Variants in RBFOX3 observed in about 807,000 individuals in gnomAD.
The protein encoded by RBFOX3 is RNA binding fox-1 homolog 3.
RBFOX3 carries 17 observed loss-of-function variants against 48.7 expected under a neutral mutation model. The ratio of observed to expected loss-of-function variants is 0.35; its 90% confidence interval spans 0.24 to 0.52. The LOEUF (loss-of-function observed/expected upper bound fraction) is 0.52. Ranked by LOEUF, RBFOX3 falls within the 20% of genes least tolerant of loss-of-function variation. RBFOX3 has a pLI of 0.94. For missense variants in RBFOX3, 382 were observed against 497.5 expected (o/e 0.77, Z 2.21); for synonymous variants, 212 against 209.5 (o/e 1.01, Z -0.10).
At chr17:79,575,507 G>A (rs946898217) in intron 1 of RBFOX3, among the ~76,000 whole-genome samples, 2 of 152,186 alleles carry the variant, frequency 1.3e-5, no homozygotes, top group Admixed American at 6.5e-5. Flanking sequence ...CAAAAGCCAC[G>A]GGAAGCCCTT....
At chr17:79,632,142 C>T in the RBFOX3 span, among the ~76,000 whole-genome samples, 1 of 152,344 alleles carries the variant, frequency 6.6e-6, no homozygotes, top group Non-Finnish European at 1.5e-5. Context: ...ATTGGGAGAA[C>T]AAGAGCTAAT....
intron 1 of RBFOX3, among the ~76,000 whole-genome samples, chr17:79,609,823 A>G (rs2093929256): frequency 6.6e-6 from 1 of 152,028 alleles, no homozygotes; most frequent in Non-Finnish European, 1.5e-5. Flanking sequence ...GACCCCCAGC[A>G]CCAAAATGAC....
chr17:79,386,009 T>C (rs1163069271), intron 2 of RBFOX3, among the ~76,000 whole-genome samples: 2 of 135,272 alleles, frequency 1.5e-5, no homozygotes, highest in African/African-American at 5.8e-5. Flanking sequence ...AGGAGCTCCA[T>C]TACTTCCTAT....
At chr17:79,610,513 C>T (rs386829737) in intron 1 of RBFOX3, among the ~76,000 whole-genome samples, 104,062 of 151,948 alleles carry the variant, frequency 0.68, 41,839 homozygotes, top group Non-Finnish European at 0.91. Context: ...CGCGGGACTC[C>T]CTGGCGTCTC....
chr17:79,245,865 T>C (rs914460132), intron 3 of RBFOX3, among the ~76,000 whole-genome samples: 6 of 152,140 alleles, frequency 3.9e-5, no homozygotes, highest in Admixed American at 3.9e-4. Flanking sequence ...GAGCTCAGGC[T>C]ATCCACTCAC....
upstream of RBFOX3, among the ~76,000 whole-genome samples, chr17:79,615,832 C>T (rs1331885768): frequency 6.6e-6 from 1 of 152,168 alleles, no homozygotes; most frequent in African/African-American, 2.4e-5. Context: ...CCCCAGGACC[C>T]CTCATGCCTT....
chr17:79,302,553 C>T (rs1452551564), intron 3 of RBFOX3, among the ~76,000 whole-genome samples: 1 of 152,152 alleles, frequency 6.6e-6, no homozygotes, highest in Non-Finnish European at 1.5e-5. Context: ...TGGTGGCAGT[C>T]GCCTGTAATC....
At chr17:79,330,875 C>T (rs2080174166) in intron 2 of RBFOX3, among the ~76,000 whole-genome samples, 1 of 152,210 alleles carries the variant, frequency 6.6e-6, no homozygotes, top group Non-Finnish European at 1.5e-5. Context: ...AGCTTCTGGT[C>T]TCAGGGCTCT....
intron 1 of RBFOX3, among the ~76,000 whole-genome samples, chr17:79,494,766 G>A (rs1229535921): frequency 1.3e-5 from 2 of 152,266 alleles, no homozygotes; most frequent in Admixed American, 6.5e-5. Context: ...GGCCCGTCAA[G>A]GACTGAACCC....
At chr17:79,625,111 G>A in the RBFOX3 span, among the ~76,000 whole-genome samples, 366 of 152,054 alleles carry the variant, frequency 2.4e-3, no homozygotes, top group Middle Eastern at 3.4e-3. Context: ...GAACATATCC[G>A]TCACCCCCAA....
intron 1 of RBFOX3, chr17:79,598,284 G>GCA: frequency 6.6e-6 from 1 of 152,616 alleles, no homozygotes; most frequent in African/African-American, 2.4e-5. Context: ...ATGCAGAGAT[G>GCA]ACCGTGCACA....
At chr17:79,474,784 A>C (rs888328916) in intron 2 of RBFOX3, among the ~76,000 whole-genome samples, 26 of 151,814 alleles carry the variant, frequency 1.7e-4, no homozygotes, top group African/African-American at 6.1e-4. Context: ...GGCCTGCCTC[A>C]CCACCAGAGC....
At chr17:79,288,028 G>A (rs1325258464) in intron 3 of RBFOX3, among the ~76,000 whole-genome samples, 1 of 152,132 alleles carries the variant, frequency 6.6e-6, no homozygotes, top group Admixed American at 6.5e-5. Context: ...AAAGTCTTAA[G>A]TCCCCACGAG....
Position 79,482,233 on chromosome 17 carries a change from G to A in RBFOX3, c.-175+221C>T, listed in dbSNP as rs1248361780. 2.6e-5 allele frequency among the ~76,000 whole-genome samples: 4 copies of A among 151,816 alleles called. No individual in the cohort carries two copies. The highest frequency in any genetic ancestry group is 1.9e-4 in the East Asian group (1 of 5,172). On this transcript the variant is annotated intron_variant, in intron 2 of 14. Transcript: ENST00000693108. The surrounding 1 kb of genome is among the most constrained non-coding windows in gnomAD (Gnocchi z 4.1). The stretch of plus-strand genomic sequence containing the variant: ...TGATGGGCTTCGAGGTACAAAGAGC[G>A]GTCACTCCTTAAAAATTCTACCCCA...
In RBFOX3 at chr17:79,115,658, CAGGGATG is replaced by C; in HGVS notation, c.51_57del (p.Ile18ProfsTer26). ...TGCGGTGGGGGCGGGGCGTACTCGG[CAGGGATG>C]CCGTTCTGTGGCGGAGGGGGGTACT... On this transcript the variant is annotated frameshift_variant, in exon 5 of 15. Coordinates refer to ENST00000693108, the MANE Select transcript of RBFOX3 (RefSeq NM_001350451.2). LOFTEE classifies it high-confidence loss of function. The C allele has an allele frequency of 1.7e-6, 2 of 1,155,126 alleles. No individual in the cohort carries two copies. The highest frequency in any genetic ancestry group is 2.2e-6 in the Non-Finnish European group (2 of 919,716). The allele number at this position is 1,155,126 out of a possible 1,614,324, so 71.6% of individuals were successfully genotyped here.
At chr17:79,356,352 T>G (rs2085021854) in intron 2 of RBFOX3, among the ~76,000 whole-genome samples, 2 of 26,638 alleles carry the variant, frequency 7.5e-5, no homozygotes, top group Non-Finnish European at 1.2e-4. Flanking sequence ...AGGGAAGTTT[T>G]TTTTTTTTTT....
intron 4 of RBFOX3, among the ~76,000 whole-genome samples, chr17:79,158,180 G>A (rs1193352377): frequency 6.6e-6 from 1 of 152,190 alleles, no homozygotes; most frequent in Admixed American, 6.5e-5. Context: ...CACAGCCAAG[G>A]AAGAGAGGCC....
At chr17:79,330,246 A>G (rs2080035347) in intron 2 of RBFOX3, among the ~76,000 whole-genome samples, 1 of 152,178 alleles carries the variant, frequency 6.6e-6, no homozygotes, top group Non-Finnish European at 1.5e-5. Context: ...TAGAGTAGAC[A>G]CTGGGGAGTG....
At chr17:79,486,705 C>T (rs1292835636) in intron 1 of RBFOX3, among the ~76,000 whole-genome samples, 1 of 152,190 alleles carries the variant, frequency 6.6e-6, no homozygotes, top group Non-Finnish European at 1.5e-5. Flanking sequence ...GGTGGCAGGG[C>T]CCCCAGAAGA....
Sources: gnomAD v4.1 joint callset for allele counts (sites outside exome capture counted in the v4.1 genomes callset) on GRCh38, gnomAD v4.1.1 for gene constraint, Gnocchi (gnomAD v3.1) non-coding constraint, MANE v1.5 for transcripts, NCBI Gene and HGNC (gene_info 2026-07-23, HGNC 2026-07-21) for gene names.